Variants in GRIA2 observed in about 807,000 individuals in gnomAD.
GRIA2 encodes glutamate ionotropic receptor AMPA type subunit 2.
In GRIA2, 14 loss-of-function variants were observed where a neutral mutation model predicts 97.3. The ratio of observed to expected loss-of-function variants is 0.14; its 90% CI spans 0.10 to 0.23. The LOEUF is 0.23. GRIA2 is among the 10% of genes least tolerant of loss of function. GRIA2 has a pLI of 1.00. For missense variants in GRIA2, 558 were observed against 1,069.8 expected, an observed-to-expected ratio of 0.52 and a Z score of 6.67; for synonymous variants, 412 against 387.8, an observed-to-expected ratio of 1.06 and a Z score of -0.73.
At chr4:157,272,048 A>T (rs1455315797) in intron 2 of GRIA2, among the ~76,000 whole-genome samples, 1 of 152,112 alleles carries the variant, frequency 6.6e-6, no homozygotes, top group Non-Finnish European at 1.5e-5. Flanking sequence ...AACTCTGATA[A>T]CATTGTAGAT....
At chr4:157,267,084 A>C (rs1303907921) in intron 2 of GRIA2, among the ~76,000 whole-genome samples, 1 of 151,906 alleles carries the variant, frequency 6.6e-6, no homozygotes, top group Non-Finnish European at 1.5e-5. Flanking sequence ...AAAGGAAGAA[A>C]GGAAATTTTG....
At chr4:157,267,188 G>A (rs1169253317) in intron 2 of GRIA2, among the ~76,000 whole-genome samples, 3 of 152,002 alleles carry the variant, frequency 2.0e-5, no homozygotes, top group Non-Finnish European at 4.4e-5. Context: ...CACTTTGGGA[G>A]GCTGAGGCAG....
chr4:157,228,574 C>A (rs1432044096), intron 2 of GRIA2, among the ~76,000 whole-genome samples: 1 of 151,994 alleles, frequency 6.6e-6, no homozygotes, highest in Non-Finnish European at 1.5e-5. Flanking sequence ...GGGTGGATCA[C>A]CTGAGGTCAG....
intron 2 of GRIA2, among the ~76,000 whole-genome samples, chr4:157,284,620 T>C (rs1388800826): frequency 2.6e-5 from 4 of 151,712 alleles, no homozygotes; most frequent in African/African-American, 7.2e-5. Flanking sequence ...ATATTTGATG[T>C]GTATCTTTTC....
At chr4:157,260,964 G>T (rs1180100136) in intron 2 of GRIA2, among the ~76,000 whole-genome samples, 1 of 151,466 alleles carries the variant, frequency 6.6e-6, no homozygotes, top group Non-Finnish European at 1.5e-5. Flanking sequence ...CTGCCTTATT[G>T]TTAAAATTCT....
intron 14 of GRIA2, chr4:157,362,553 G>T: frequency 1.7e-6 from 1 of 592,498 alleles, no homozygotes; most frequent in South Asian, 1.6e-5. Flanking sequence ...TTTAAGAAAT[G>T]AATAAATAGA....
At chr4:157,258,281 T>A (rs551243970) in intron 2 of GRIA2, among the ~76,000 whole-genome samples, 39 of 152,216 alleles carry the variant, frequency 2.6e-4, no homozygotes, top group African/African-American at 9.4e-4. Flanking sequence ...GAAATATTAC[T>A]GAATTCTTTT....
chr4:157,252,277 C>T (rs1731051775), intron 2 of GRIA2, among the ~76,000 whole-genome samples: 1 of 152,102 alleles, frequency 6.6e-6, no homozygotes, highest in Admixed American at 6.6e-5. Flanking sequence ...GTGGTTGTGA[C>T]TGCGAGCCGA....
At chr4:157,266,374 G>A (rs1731769576) in intron 2 of GRIA2, among the ~76,000 whole-genome samples, 1 of 152,094 alleles carries the variant, frequency 6.6e-6, no homozygotes. Context: ...ACAGCTGATG[G>A]TCAACAGAGT....
intron 2 of GRIA2, among the ~76,000 whole-genome samples, chr4:157,302,637 G>A (rs909113810): frequency 1.3e-5 from 2 of 152,098 alleles, no homozygotes; most frequent in African/African-American, 4.8e-5. Context: ...CCTAGAACAT[G>A]CCAGGCACAG....
Position 157,366,072 on chromosome 4 carries a change from C to CCT in GRIA2, c.*2641_*2642insCT, listed in dbSNP as rs910082137. On this transcript the variant is annotated 3_prime_UTR_variant, in exon 16 of 16. Transcript: ENST00000264426. Reference sequence around the variant, plus strand: ...ACATAAAACATGTTCTTACAAAAGGCAAAGATCTTTATTTTTTTTACTTAA... The same window carrying CCT: ...ACATAAAACATGTTCTTACAAAAGGCCTAAAGATCTTTATTTTTTTTACTTAA... 4 of 151,298 alleles carry CCT rather than the reference C, an allele frequency of 2.6e-5. No individual in the cohort carries two copies. The highest frequency in any genetic ancestry group is 7.3e-5 in the African/African-American group (3 of 41,326). The allele number at this position is 151,298 out of a possible 1,614,324, so 9.4% of individuals were successfully genotyped here.
chr4:157,267,440 G>A (rs1280366031), intron 2 of GRIA2, among the ~76,000 whole-genome samples: 1 of 151,244 alleles, frequency 6.6e-6, no homozygotes, highest in Non-Finnish European at 1.5e-5. Flanking sequence ...TCTTTAATGT[G>A]GGAGGGATAT....
chr4:157,245,326 T>C (rs1730685973), intron 2 of GRIA2, among the ~76,000 whole-genome samples: 1 of 152,036 alleles, frequency 6.6e-6, no homozygotes, highest in Admixed American at 6.6e-5. Context: ...AACTCTACCT[T>C]GCTTGTGGAA....
intron 12 of GRIA2, among the ~76,000 whole-genome samples, chr4:157,359,664 T>C (rs545257447): frequency 5.9e-5 from 9 of 152,180 alleles, no homozygotes; most frequent in Non-Finnish European, 1.3e-4. Context: ...ATACAGTATT[T>C]TGTTTACCAT....
intron 2 of GRIA2, among the ~76,000 whole-genome samples, chr4:157,223,435 CT>C (rs1729597980): frequency 6.6e-6 from 1 of 152,120 alleles, no homozygotes; most frequent in African/African-American, 2.4e-5. Context: ...GGATTTGCAG[CT>C]TTGAAAAACG....
rs1303802989 is a variant in GRIA2 at position 157,321,344 on chromosome 4, A to G, written c.721-94A>G. On this transcript the variant is annotated intron_variant, in intron 5 of 15. Transcript: ENST00000264426. ...TTATATCTCATATGTTCTTTGAAAT[A>G]TCTAAAACCACAATGTATAGAGTTA... The G allele has an allele frequency of 4.7e-6, 4 of 853,006 alleles. No homozygotes were observed. The East Asian group carries it at 7.5e-5, about 16-fold the overall frequency. The allele number at this position is 853,006 out of a possible 1,614,324, so 52.8% of individuals were successfully genotyped here.
At chr4:157,252,804 C>T (rs1731074834) in intron 2 of GRIA2, among the ~76,000 whole-genome samples, 1 of 151,974 alleles carries the variant, frequency 6.6e-6, no homozygotes, top group South Asian at 2.1e-4. Flanking sequence ...TATCATTTGC[C>T]AACTGTTAGT....
intron 2 of GRIA2, among the ~76,000 whole-genome samples, chr4:157,262,905 C>T (rs535910351): frequency 6.6e-5 from 10 of 152,038 alleles, no homozygotes; most frequent in East Asian, 3.9e-4. Flanking sequence ...AAGTTGTATA[C>T]GGTAGGACAA....
At chr4:157,283,684 T>A (rs1208212079) in intron 2 of GRIA2, among the ~76,000 whole-genome samples, 1 of 151,976 alleles carries the variant, frequency 6.6e-6, no homozygotes, top group African/African-American at 2.4e-5. Context: ...AATTCTGTAA[T>A]CTAATTTTCC....
Sources: allele counts gnomAD v4.1 joint callset (sites outside exome capture counted in the v4.1 genomes callset), GRCh38; gene constraint gnomAD v4.1.1; transcripts MANE v1.5; gene names NCBI Gene and HGNC (gene_info 2026-07-23, HGNC 2026-07-21).